The following STXBP5L variants were observed in gnomAD, a reference collection of about 807,000 sequenced individuals.
STXBP5L encodes the protein syntaxin binding protein 5L, also known as syntaxin-binding protein 5-like.
In STXBP5L, 65 loss-of-function variants were observed where a neutral mutation model predicts 144.5. The ratio of observed to expected loss-of-function variants is 0.45; its 90% CI spans 0.37 to 0.55. The LOEUF is 0.55. Among genes scored for constraint, STXBP5L ranks in the 20% least tolerant of loss-of-function variants. The pLI is 0.00. For missense variants in STXBP5L, 1,298 were observed against 1,405.5 expected, an observed-to-expected ratio of 0.92 and a Z score of 1.22; for synonymous variants, 505 against 469.6, an observed-to-expected ratio of 1.08 and a Z score of -0.97.
chr3:121,218,381 A>G (rs1014156476), intron 10 of STXBP5L, among the ~76,000 whole-genome samples: 1 of 146,324 alleles, frequency 6.8e-6, no homozygotes. Context: ...TATAATATAT[A>G]GTATATAGTA....
chr3:120,938,748 G>A (rs1710400247), intron 2 of STXBP5L, among the ~76,000 whole-genome samples: 1 of 152,106 alleles, frequency 6.6e-6, no homozygotes, highest in Non-Finnish European at 1.5e-5. Context: ...TATTCACTAG[G>A]TTGGTGACCT....
intron 12 of STXBP5L, among the ~76,000 whole-genome samples, chr3:121,235,593 C>G (rs551897206): frequency 1.6e-4 from 25 of 152,120 alleles, no homozygotes; most frequent in African/African-American, 6.0e-4. Context: ...TTCAAGGGGT[C>G]CATTTATCTT....
At chr3:121,086,370 A>G (rs752516892) in intron 5 of STXBP5L, among the ~76,000 whole-genome samples, 4 of 152,154 alleles carry the variant, frequency 2.6e-5, no homozygotes, top group Non-Finnish European at 4.4e-5. Flanking sequence ...TGGACTACAT[A>G]TAAAAGAGGA....
chr3:121,185,889 G>C (rs2047360262), intron 9 of STXBP5L, among the ~76,000 whole-genome samples: 1 of 152,198 alleles, frequency 6.6e-6, no homozygotes, highest in Non-Finnish European at 1.5e-5. Flanking sequence ...ACCTTGGGCA[G>C]TATTGCCATT....
chr3:121,123,371 A>G (rs1037923223), intron 7 of STXBP5L, among the ~76,000 whole-genome samples: 1 of 151,646 alleles, frequency 6.6e-6, no homozygotes, highest in Admixed American at 6.6e-5. Context: ...AATGGTGCAA[A>G]CTATTAAAAT....
At position 121,222,992 on chromosome 3, in the gene STXBP5L, T is replaced by G; in HGVS notation, c.957-11T>G. 5 of 1,587,986 alleles carry G rather than the reference T, an allele frequency of 3.1e-6. No individual in the cohort carries two copies. Among genetic ancestry groups the G allele is most frequent in the Non-Finnish European group, 3.4e-6 (4 of 1,171,114 alleles). ...GACTTCTGAGTCTCATTCATGTTTT[T>G]TCCTATGTAGCGAACCATTCATAAT... On this transcript the variant is annotated splice_polypyrimidine_tract_variant and intron_variant, in intron 10 of 26. Coordinates refer to ENST00000471454, the MANE Select transcript of STXBP5L (RefSeq NM_001308330.2).
At chr3:121,110,786 T>C (rs1221955265) in intron 5 of STXBP5L, among the ~76,000 whole-genome samples, 2 of 152,180 alleles carry the variant, frequency 1.3e-5, no homozygotes, top group Non-Finnish European at 2.9e-5. Flanking sequence ...CTTGCTAGGT[T>C]AGGGAAGTTC....
intron 7 of STXBP5L, among the ~76,000 whole-genome samples, chr3:121,141,076 A>G (rs1191820282): frequency 1.3e-5 from 2 of 152,188 alleles, no homozygotes; most frequent in African/African-American, 4.8e-5. Flanking sequence ...ATTGAAAGAA[A>G]AGTATGTTAA....
At chr3:121,347,555 G>A (rs569287738) in intron 20 of STXBP5L, among the ~76,000 whole-genome samples, 53 of 152,278 alleles carry the variant, frequency 3.5e-4, no homozygotes, top group African/African-American at 1.2e-3. Flanking sequence ...GGGCAGTATG[G>A]CCATTTTCAC....
chr3:121,045,596 T>C, intron 5 of STXBP5L, 61 bp downstream of exon 5: 1 of 1,464,252 alleles, frequency 6.8e-7, no homozygotes, highest in Non-Finnish European at 9.4e-7. Flanking sequence ...CTGAGCAAGT[T>C]TTTGTTAACT....
intron 3 of STXBP5L, among the ~76,000 whole-genome samples, chr3:120,978,516 T>C (rs1941357148): frequency 6.6e-6 from 1 of 152,214 alleles, no homozygotes; most frequent in Non-Finnish European, 1.5e-5. Flanking sequence ...CGGAGTAGTT[T>C]GATCGTCTGA....
chr3:121,082,922 G>A (rs904443151), intron 5 of STXBP5L, among the ~76,000 whole-genome samples: 3 of 152,158 alleles, frequency 2.0e-5, no homozygotes, highest in African/African-American at 7.2e-5. Flanking sequence ...ATTTGGGCTG[G>A]GCGTGGTGGC....
At chr3:120,962,545 A>C (rs9844699) in intron 3 of STXBP5L, among the ~76,000 whole-genome samples, 57,323 of 151,440 alleles carry the variant, frequency 0.38, 11,009 homozygotes, top group African/African-American at 0.4. Flanking sequence ...TCCTTTCCCC[A>C]TTTCGTGTTT....
At chr3:121,173,615 A>G (rs1054132914) in intron 9 of STXBP5L, among the ~76,000 whole-genome samples, 3 of 152,010 alleles carry the variant, frequency 2.0e-5, no homozygotes, top group Non-Finnish European at 4.4e-5. Flanking sequence ...TCGATTAACA[A>G]CTATTTTGTG....
intron 20 of STXBP5L, among the ~76,000 whole-genome samples, chr3:121,346,334 C>T (rs2044979701): frequency 6.6e-6 from 1 of 152,104 alleles, no homozygotes; most frequent in South Asian, 2.1e-4. Flanking sequence ...GCCACATTTT[C>T]TTAATCCACT....
At chr3:121,316,561 A>G (rs1228278244) in intron 19 of STXBP5L, among the ~76,000 whole-genome samples, 1 of 152,162 alleles carries the variant, frequency 6.6e-6, no homozygotes, top group Non-Finnish European at 1.5e-5. Flanking sequence ...TATCTGTATG[A>G]TGGGGTTAAT....
chr3:121,395,910 G>A (rs2046718127), intron 22 of STXBP5L, among the ~76,000 whole-genome samples: 1 of 152,188 alleles, frequency 6.6e-6, no homozygotes, highest in South Asian at 2.1e-4. Flanking sequence ...TGCAACCGAG[G>A]GGTCCTCGGG....
chr3:121,310,419 G>A (rs2043485808), intron 19 of STXBP5L, among the ~76,000 whole-genome samples: 1 of 152,140 alleles, frequency 6.6e-6, no homozygotes, highest in Non-Finnish European at 1.5e-5. Flanking sequence ...GACTATCCTG[G>A]CTAACACGGT....
chr3:121,329,019 C>T (rs1425361963), intron 20 of STXBP5L, among the ~76,000 whole-genome samples: 2 of 151,726 alleles, frequency 1.3e-5, no homozygotes, highest in Non-Finnish European at 2.9e-5. Flanking sequence ...TATATATACA[C>T]ACATATATAT....
Sources: allele counts gnomAD v4.1 joint callset (sites outside exome capture counted in the v4.1 genomes callset), GRCh38; gene constraint gnomAD v4.1.1; transcripts MANE v1.5; gene names NCBI Gene and HGNC (gene_info 2026-07-23, HGNC 2026-07-21).